IL16: variants seen among roughly 807,000 people sequenced by gnomAD.
IL16 encodes pro-interleukin-16.
In IL16, 67 loss-of-function variants were observed where a neutral mutation model predicts 110.1. That is an observed-to-expected ratio of 0.61 (90% CI 0.50 to 0.75). The LOEUF (loss-of-function observed/expected upper bound fraction) is 0.75. Among genes scored for constraint, IL16 ranks in the 30% least tolerant of loss-of-function variants. The pLI, the probability that IL16 is intolerant of heterozygous loss-of-function variation, is 0.00. For synonymous variants in IL16, 689 were observed against 662.9 expected, an observed-to-expected ratio of 1.04 and a Z score of -0.61; for missense variants, 1,545 against 1,655.0, an observed-to-expected ratio of 0.93 and a Z score of 1.15.
intron 1 of IL16, among the ~76,000 whole-genome samples, chr15:81,186,878 G>A (rs536906129): frequency 1.3e-5 from 2 of 151,446 alleles, no homozygotes; most frequent in South Asian, 2.1e-4. Flanking sequence ...GGGGAGCCTC[G>A]AACTCCTGTC....
intron 1 of IL16, among the ~76,000 whole-genome samples, chr15:81,202,827 T>G (rs1349126925): frequency 1.3e-5 from 2 of 152,236 alleles, no homozygotes; most frequent in Admixed American, 6.5e-5. Flanking sequence ...TATAATCTTT[T>G]GGGTATATAC....
intron 6 of IL16, 68 bp downstream of exon 6, chr15:81,273,272 C>A: frequency 8.4e-7 from 1 of 1,184,234 alleles, no homozygotes; most frequent in Non-Finnish European, 1.2e-6. Flanking sequence ...TTGCTGGGGC[C>A]ATAGAAGATG....
rs375892392 is a variant in IL16, at chr15:81,279,640, C to A, written c.947C>A (p.Pro316Gln). ...TCCCTGTGCAGCCACCTGTCTCCCC[C>A]ACTGTGCCGCTCCCTGAGCTCCAGC... ...PPSLCSHLSP[P>Q]LCRSLSSSTC... The change falls in exon 8 of 19, where the codon CCA (proline) becomes CAA (glutamine). Residue 316 changes from proline (P) to glutamine (Q), a missense_variant. Around this residue, in one of 3 missense-constraint regions of IL16, gnomAD observed 1,185 missense variants for 1,238.8 expected, o/e 0.96. Coordinates refer to ENST00000683961, the MANE Select transcript of IL16 (RefSeq NM_172217.5). The A allele has an allele frequency of 1.4e-5, 22 of 1,614,146 alleles. No homozygotes were observed. The highest frequency in any genetic ancestry group is 2.2e-5 in the East Asian group (1 of 44,900).
intron 3 of IL16, among the ~76,000 whole-genome samples, chr15:81,260,386 T>TA (rs999689580): frequency 1.1e-4 from 16 of 152,232 alleles, no homozygotes; most frequent in African/African-American, 3.9e-4. Context: ...ACATATGCTA[T>TA]AAAAAACTTC....
At chr15:81,307,578 G>A (rs1900637633) in intron 18 of IL16, among the ~76,000 whole-genome samples, 1 of 152,212 alleles carries the variant, frequency 6.6e-6, no homozygotes, top group Non-Finnish European at 1.5e-5. Context: ...AATTTGGAAG[G>A]AGCATTGGGT....
chr15:81,280,278 G>C (rs1383968945), intron 8 of IL16, among the ~76,000 whole-genome samples: 4 of 152,216 alleles, frequency 2.6e-5, no homozygotes, highest in African/African-American at 9.7e-5. Flanking sequence ...GGAGGATAAA[G>C]AGGAGGCAGC....
At position 81,245,724 on chromosome 15, in the gene IL16, C is replaced by CTTTTTTTTTTTTTTTT. The variant is rs1009292228; in HGVS notation, c.313-14039_313-14024dup. 2.3e-4 allele frequency among the ~76,000 whole-genome samples: 14 copies of CTTTTTTTTTTTTTTTT among 61,280 alleles called. 1 individual carries two copies. Among genetic ancestry groups the CTTTTTTTTTTTTTTTT allele is most frequent in the Admixed American group, 4.0e-4 (2 of 4,956 alleles). The allele number at this position is 61,280 out of a possible 152,430, so 40.2% of individuals were successfully genotyped here. Reference sequence around the variant, plus strand: ...TAGAGAGATCAGACTTTTGTTTTGGCTTTTTTTTTTTTTTTTTTTTTTTTG... The same window carrying CTTTTTTTTTTTTTTTT: ...TAGAGAGATCAGACTTTTGTTTTGGCTTTTTTTTTTTTTTTTTTTTTTTTTTTTTTTTTTTTTTTTG... On this transcript the variant is annotated intron_variant, in intron 2 of 18. Transcript: ENST00000683961.
Position 81,299,644 on chromosome 15 carries a change from C to T in IL16, c.2318C>T (p.Ser773Leu). The change falls in exon 14 of 19, where the codon TCA (serine) becomes TTA (leucine). Residue 773 changes from serine (S) to leucine (L), a missense_variant. This residue lies in a region of IL16 where 1,185 missense variants were observed against 1,238.8 expected (regional missense o/e 0.96). Transcript: ENST00000683961. ...TANGTPKVYK[S>L]ADSSTVKKGP... ...AATGGCACTCCCAAAGTTTACAAGT[C>T]AGCAGACAGCAGCACTGTGAAGAAA... is the stretch of plus-strand genomic sequence containing the variant. The T allele has an allele frequency of 6.2e-7, 1 of 1,614,228 alleles. No homozygotes were observed.
chr15:81,248,774 G>A (rs756471014), intron 2 of IL16, among the ~76,000 whole-genome samples: 8 of 138,032 alleles, frequency 5.8e-5, no homozygotes, highest in South Asian at 2.3e-4. Flanking sequence ...AGGCTGGAGC[G>A]CAGTGGTGCA....
At chr15:81,276,330 G>A (rs181559313) in intron 6 of IL16, among the ~76,000 whole-genome samples, 197 of 152,334 alleles carry the variant, frequency 1.3e-3, no homozygotes, top group African/African-American at 4.5e-3. Flanking sequence ...ATGCCCAGCT[G>A]CTAAGAAACA....
At chr15:81,246,498 A>C (rs2142123904) in intron 2 of IL16, among the ~76,000 whole-genome samples, 1 of 152,248 alleles carries the variant, frequency 6.6e-6, no homozygotes, top group East Asian at 1.9e-4. Context: ...TTTATTTTCC[A>C]GTGTTCAACA....
At position 81,197,021 on chromosome 15, in the gene IL16, C is replaced by T; in HGVS notation, c.-233C>T. 7.8e-7 allele frequency: 1 copy of T among 1,287,866 alleles called. No individual in the cohort carries two copies. Among genetic ancestry groups the T allele is most frequent in the Non-Finnish European group, 1.0e-6 (1 of 988,268 alleles). 79.8% of individuals were successfully genotyped at this position (1,287,866 alleles called of 1,614,324 possible). On this transcript the variant is annotated 5_prime_UTR_variant, in exon 1 of 19. Coordinates refer to ENST00000683961, the MANE Select transcript of IL16 (RefSeq NM_172217.5). ...GCGTCCATTTCTCAATCCTTGCCGG[C>T]TCTGACCCAGGCCTGGGCCACAGGC... is the stretch of plus-strand genomic sequence containing the variant.
At chr15:81,301,747 A>G (rs1455010538) in intron 15 of IL16, among the ~76,000 whole-genome samples, 3 of 152,158 alleles carry the variant, frequency 2.0e-5, no homozygotes. Flanking sequence ...TTCTTTTGTC[A>G]TTTTATAAAT....
chr15:81,203,963 G>C (rs993880256), intron 1 of IL16, among the ~76,000 whole-genome samples: 8 of 151,886 alleles, frequency 5.3e-5, no homozygotes, highest in Non-Finnish European at 1.2e-4. Context: ...AGCGTGGAAT[G>C]TTCTTCCATT....
chr15:81,231,377 T>TCTCTCTCTCTCTCTCTCTCTCTCTCC (rs1567008795), intron 2 of IL16, among the ~76,000 whole-genome samples: 1 of 144,308 alleles, frequency 6.9e-6, no homozygotes, highest in Non-Finnish European at 1.5e-5. Flanking sequence ...TCTCTCTCTC[T>TCTCTCTCTCTCTCTCTCTCTCTCTCC]CTCTCCCTCT....
At chr15:81,265,491 C>T (rs1811522523) in intron 3 of IL16, among the ~76,000 whole-genome samples, 168 bp from the exon 4 acceptor site, 1 of 152,162 alleles carries the variant, frequency 6.6e-6, no homozygotes, top group Non-Finnish European at 1.5e-5. Context: ...GACAATGCTG[C>T]TCATGTCTTC....
intron 2 of IL16, among the ~76,000 whole-genome samples, chr15:81,247,026 G>C (rs1004539725): frequency 1.4e-5 from 2 of 140,156 alleles, no homozygotes; most frequent in Non-Finnish European, 3.1e-5. Context: ...ATTTGTAATT[G>C]TGTCCCCTTT....
chr15:81,243,163 A>ATATATAT (rs1555416963), intron 2 of IL16, among the ~76,000 whole-genome samples: 4 of 15,032 alleles, frequency 2.7e-4, no homozygotes, highest in African/African-American at 8.9e-4. Context: ...ATATATATAT[A>ATATATAT]TTTTTTTTTT....
At chr15:81,227,008 CT>C (rs1249606402) in intron 2 of IL16, among the ~76,000 whole-genome samples, 1 of 152,176 alleles carries the variant, frequency 6.6e-6, no homozygotes, top group African/African-American at 2.4e-5. Flanking sequence ...CACCTATTAT[CT>C]GCAAGGCACA....
Sources: allele counts gnomAD v4.1 joint callset (sites outside exome capture counted in the v4.1 genomes callset), GRCh38; gene constraint gnomAD v4.1.1; regional missense constraint gnomAD v4.1.1; transcripts MANE v1.5; gene names NCBI Gene and HGNC (gene_info 2026-07-23, HGNC 2026-07-21).